PRELID2: variants seen among roughly 807,000 people sequenced by gnomAD.
PRELID2 encodes PRELI domain-containing protein 2.
In PRELID2, 25 loss-of-function variants were observed where a neutral mutation model predicts 28.4. The observed-to-expected ratio is 0.88, with a 90% CI of 0.64 to 1.23. The LOEUF is 1.23. Ranked by LOEUF, PRELID2 falls within the 50% of genes most tolerant of loss-of-function variation. The probability of loss-of-function intolerance (pLI) is 0.00; values close to 1 mark genes in which losing one functional copy is unlikely to be tolerated. For synonymous variants in PRELID2, 76 were observed against 71.6 expected (o/e 1.06, Z -0.31); for missense variants, 201 against 214.4 (o/e 0.94, Z 0.39).
chr5:145,395,740 AAAAC>A, the PRELID2 span, among the ~76,000 whole-genome samples: 72 of 152,294 alleles, frequency 4.7e-4, no homozygotes, highest in Non-Finnish European at 8.5e-4. Flanking sequence ...AACCACAAAA[AAAAC>A]AAAAAAGACA....
chr5:145,596,091 G>C (rs1753301341), intron 1 of PRELID2, among the ~76,000 whole-genome samples: 1 of 94,562 alleles, frequency 1.1e-5, no homozygotes, highest in Non-Finnish European at 1.8e-5. Context: ...CAGAGTGAGA[G>C]CCTGTCTCAA....
the PRELID2 span, among the ~76,000 whole-genome samples, chr5:145,281,963 G>A: frequency 2.2e-4 from 33 of 152,068 alleles, no homozygotes; most frequent in Non-Finnish European, 3.5e-4. Flanking sequence ...TTGCAGATTC[G>A]TAATGAAGAT....
chr5:145,660,893 A>C (rs1436836038), intron 1 of PRELID2, among the ~76,000 whole-genome samples: 1 of 152,246 alleles, frequency 6.6e-6, no homozygotes, highest in Non-Finnish European at 1.5e-5. Context: ...TGAAGTATGT[A>C]TGTGTAATGA....
In PRELID2 at chr5:145,757,389, G is replaced by A. The variant is rs1200978278; in HGVS notation, c.*3147C>T. Among the ~76,000 whole-genome samples, 1 of 152,170 alleles carries A rather than the reference G, an allele frequency of 6.6e-6. No individual in the cohort carries two copies. The highest frequency in any genetic ancestry group is 1.5e-5 in the Non-Finnish European group (1 of 68,038). Reference sequence around the variant, plus strand: ...AAATTCCACGAATCAGAATCGCTGGGGAAAGGGACTGAGAACCTGCACGTT... The same window carrying A: ...AAATTCCACGAATCAGAATCGCTGGAGAAAGGGACTGAGAACCTGCACGTT... On this transcript the variant is annotated 3_prime_UTR_variant, in exon 7 of 7. Transcript: ENST00000683046.
At chr5:145,571,604 C>T (rs1442362585) in intron 1 of PRELID2, among the ~76,000 whole-genome samples, 1 of 152,178 alleles carries the variant, frequency 6.6e-6, no homozygotes, top group Non-Finnish European at 1.5e-5. Flanking sequence ...GAGAATCCCC[C>T]TCCCTTTCCA....
chr5:145,270,910 G>T, the PRELID2 span, among the ~76,000 whole-genome samples: 3 of 152,182 alleles, frequency 2.0e-5, no homozygotes, highest in Admixed American at 6.5e-5. Context: ...AAGGAAAGAG[G>T]TTTAATTAAG....
the PRELID2 span, among the ~76,000 whole-genome samples, chr5:145,230,207 C>T: frequency 6.6e-6 from 1 of 152,090 alleles, no homozygotes; most frequent in African/African-American, 2.4e-5. Context: ...GTGGTCCCCC[C>T]AAAGCCTGTA....
intron 1 of PRELID2, among the ~76,000 whole-genome samples, chr5:145,832,222 G>A (rs1051905225): frequency 6.6e-6 from 1 of 152,182 alleles, no homozygotes; most frequent in Non-Finnish European, 1.5e-5. Context: ...GTCTTGCTCT[G>A]TCACCCAGGC....
chr5:145,454,940 T>A, the PRELID2 span, among the ~76,000 whole-genome samples: 9 of 152,336 alleles, frequency 5.9e-5, no homozygotes, highest in Non-Finnish European at 8.8e-5. Flanking sequence ...GCCTGTTCAC[T>A]CTAATGATAG....
the PRELID2 span, among the ~76,000 whole-genome samples, chr5:145,380,803 T>A: frequency 1.3e-5 from 2 of 152,190 alleles, no homozygotes; most frequent in African/African-American, 2.4e-5. Context: ...GCTTTTCTTT[T>A]ACTTTGCCCC....
At chr5:145,648,862 C>T (rs1754240876) in intron 1 of PRELID2, among the ~76,000 whole-genome samples, 1 of 151,006 alleles carries the variant, frequency 6.6e-6, no homozygotes, top group Admixed American at 6.6e-5. Flanking sequence ...AACCTTTCAT[C>T]GTGTTTTGTC....
chr5:145,694,749 T>G (rs1428743068), intron 1 of PRELID2, among the ~76,000 whole-genome samples: 1 of 151,196 alleles, frequency 6.6e-6, no homozygotes, highest in Non-Finnish European at 1.5e-5. Context: ...TGCACAAAAA[T>G]CACGCTTTCA....
At chr5:145,603,278 A>C (rs1048915271) in intron 1 of PRELID2, among the ~76,000 whole-genome samples, 1 of 150,744 alleles carries the variant, frequency 6.6e-6, no homozygotes, top group Non-Finnish European at 1.5e-5. Flanking sequence ...GACATAATTA[A>C]ATCAGAGCAG....
the PRELID2 span, among the ~76,000 whole-genome samples, chr5:145,453,430 C>T: frequency 1.3e-5 from 2 of 152,112 alleles, no homozygotes; most frequent in Non-Finnish European, 2.9e-5. Flanking sequence ...CTTAGAACCA[C>T]CAACGGTTTC....
At chr5:145,729,925 G>A (rs1303727753) in intron 1 of PRELID2, among the ~76,000 whole-genome samples, 2 of 152,220 alleles carry the variant, frequency 1.3e-5, no homozygotes, top group African/African-American at 2.4e-5. Context: ...AAAGAAACAG[G>A]TGGTGAGAAT....
the PRELID2 span, among the ~76,000 whole-genome samples, chr5:145,322,436 C>T: frequency 6.6e-6 from 1 of 152,116 alleles, no homozygotes; most frequent in East Asian, 1.9e-4. Flanking sequence ...CGTGGCTAAA[C>T]AAAAATTGAG....
At chr5:145,688,156 G>C (rs1313162721) in intron 1 of PRELID2, among the ~76,000 whole-genome samples, 1 of 152,186 alleles carries the variant, frequency 6.6e-6, no homozygotes, top group Non-Finnish European at 1.5e-5. Context: ...TTTTAACCTG[G>C]TGAATCAGTA....
the PRELID2 span, among the ~76,000 whole-genome samples, chr5:145,261,903 A>G: frequency 6.6e-6 from 1 of 152,228 alleles, no homozygotes; most frequent in African/African-American, 2.4e-5. Flanking sequence ...AGGAAGCATT[A>G]GAGGAAGGTG....
chr5:145,656,583 T>C (rs949753647), intron 1 of PRELID2, among the ~76,000 whole-genome samples: 2 of 152,044 alleles, frequency 1.3e-5, no homozygotes, highest in African/African-American at 4.8e-5. Context: ...TAAAAAATCA[T>C]GAGTTCATGT....
Sources: allele counts gnomAD v4.1 joint callset (sites outside exome capture counted in the v4.1 genomes callset), GRCh38; gene constraint gnomAD v4.1.1; transcripts MANE v1.5; gene names NCBI Gene and HGNC (gene_info 2026-07-23, HGNC 2026-07-21).